The following ATP13A3 variants were observed in gnomAD, a reference collection of about 807,000 sequenced individuals.
ATP13A3 encodes polyamine-transporting ATPase 13A3.
ATP13A3 carries 59 observed loss-of-function variants against 158.1 expected under a neutral mutation model. The ratio of observed to expected loss-of-function variants is 0.37; its 90% CI spans 0.30 to 0.46. The LOEUF (loss-of-function observed/expected upper bound fraction) is 0.46. ATP13A3 is among the 20% of genes least tolerant of loss of function. ATP13A3 has a pLI of 1.00. For missense variants in ATP13A3, 1,166 were observed against 1,525.2 expected, an observed-to-expected ratio of 0.76 and a Z score of 3.92; for synonymous variants, 491 against 504.3, an observed-to-expected ratio of 0.97 and a Z score of 0.35.
At chr3:194,486,175 C>A (rs1307956550) in intron 1 of ATP13A3, among the ~76,000 whole-genome samples, 2 of 152,152 alleles carry the variant, frequency 1.3e-5, no homozygotes, top group African/African-American at 4.8e-5. Context: ...CTGTGAAATG[C>A]GGAGATGGCA....
At chr3:194,429,194 C>T (rs540980562) in intron 27 of ATP13A3, among the ~76,000 whole-genome samples, 7 of 152,124 alleles carry the variant, frequency 4.6e-5, no homozygotes, top group Non-Finnish European at 8.8e-5. Context: ...TTTGGGAGGC[C>T]GAGGCGGGCA....
At chr3:194,429,923 T>C (rs1034523842) in intron 26 of ATP13A3, 149 bp from the exon 27 acceptor site, 10 of 950,288 alleles carry the variant, frequency 1.1e-5, no homozygotes, top group African/African-American at 1.7e-5. Context: ...AAATGAGGAG[T>C]AGCAATCAAT....
chr3:194,430,060 A>T lies in ATP13A3; in HGVS notation c.2777+12T>A, dbSNP rs1577046543. 1 of 1,595,698 alleles carries T rather than the reference A, an allele frequency of 6.3e-7. No homozygotes were observed. The highest frequency in any genetic ancestry group is 1.7e-4 in the Middle Eastern group (1 of 5,976). On this transcript the variant is annotated intron_variant, in intron 26 of 33. Transcript: ENST00000645319. ...GAGAAAAAGGGATGAGAAAAATTTT[A>T]ATTTGTACTACCTGATAAGGTTTGG...
intron 21 of ATP13A3, among the ~76,000 whole-genome samples, chr3:194,432,847 A>C (rs1206312933): frequency 6.6e-6 from 1 of 152,164 alleles, no homozygotes; most frequent in African/African-American, 2.4e-5. Flanking sequence ...GAGCTACCAC[A>C]ATTTCACACA....
In ATP13A3 at chr3:194,464,199, G is replaced by A. The variant is rs554055648; in HGVS notation, c.-46-1963C>T. ...GTCTGTCTGTACAGTTACTTACGTC[G>A]TTTTAATAATTTCACTCCTAACTAC... On this transcript the variant is annotated intron_variant, in intron 2 of 33. Coordinates refer to ENST00000645319, the MANE Select transcript of ATP13A3 (RefSeq NM_001367549.1). Among the ~76,000 whole-genome samples the A allele has an allele frequency of 7.3e-4, 111 of 152,246 alleles. 1 individual carries two copies. Among genetic ancestry groups the A allele is most frequent in the African/African-American group, 2.5e-3 (105 of 41,542 alleles).
chr3:194,413,602 G>A (rs565386826), intron 32 of ATP13A3, among the ~76,000 whole-genome samples, 157 bp downstream of exon 32: 17 of 152,278 alleles, frequency 1.1e-4, no homozygotes, highest in Middle Eastern at 6.8e-3. Context: ...TCAATTCATG[G>A]AAAAGTTCAC....
chr3:194,463,671 C>A (rs1479319610), intron 2 of ATP13A3, among the ~76,000 whole-genome samples: 1 of 152,192 alleles, frequency 6.6e-6, no homozygotes, highest in East Asian at 1.9e-4. Context: ...GCAGGCTTGA[C>A]ACACGCTAGG....
At chr3:194,467,273 A>G (rs1453529440) in intron 2 of ATP13A3, among the ~76,000 whole-genome samples, 1 of 152,224 alleles carries the variant, frequency 6.6e-6, no homozygotes, top group African/African-American at 2.4e-5. Flanking sequence ...ACCTTAGTTC[A>G]GCATAATAAT....
chr3:194,465,826 AC>A, intron 2 of ATP13A3, among the ~76,000 whole-genome samples: 1 of 151,274 alleles, frequency 6.6e-6, no homozygotes, highest in African/African-American at 2.5e-5. Context: ...ACACACACAC[AC>A]AAAAATTAGC....
chr3:194,468,941 G>A (rs543762586), intron 2 of ATP13A3, among the ~76,000 whole-genome samples: 5 of 151,956 alleles, frequency 3.3e-5, no homozygotes, highest in Admixed American at 6.6e-5. Flanking sequence ...TGAGACCAGC[G>A]TGGTCAGCAT....
Position 194,430,077 on chromosome 3 carries a change from A to G in ATP13A3, c.2772T>C (p.Leu924=). The part of the protein sequence containing the change: ...KTPSISCVPN[L]IREGRAALIT... ...AAAATTTTAATTTGTACTACCTGAT[A>G]AGGTTTGGCACACAGGAAATACTAG... is the stretch of plus-strand genomic sequence containing the variant. Residue 924 remains leucine, a synonymous_variant, in exon 26 of 34, where the codon CTT becomes CTC. Coordinates refer to ENST00000645319, the MANE Select transcript of ATP13A3 (RefSeq NM_001367549.1). 1.2e-6 allele frequency: 2 copies of G among 1,612,614 alleles called. No homozygotes were observed. Among genetic ancestry groups the G allele is most frequent in the South Asian group, 1.1e-5 (1 of 90,788 alleles).
intron 6 of ATP13A3, among the ~76,000 whole-genome samples, 174 bp from the exon 7 acceptor site, chr3:194,457,348 G>A (rs1311514515): frequency 3.3e-5 from 5 of 152,060 alleles, no homozygotes; most frequent in African/African-American, 1.2e-4. Context: ...AAATTCTTAA[G>A]ATAAACAATG....
At chr3:194,484,233 A>C (rs1720875727) in intron 2 of ATP13A3, among the ~76,000 whole-genome samples, 3 of 152,038 alleles carry the variant, frequency 2.0e-5, no homozygotes, top group Non-Finnish European at 4.4e-5. Flanking sequence ...TAAGCTCCTT[A>C]ACTTCTTTAA....
intron 33 of ATP13A3, among the ~76,000 whole-genome samples, chr3:194,409,698 T>TTTTC (rs1715212662): frequency 7.8e-6 from 1 of 128,356 alleles, no homozygotes; most frequent in African/African-American, 3.7e-5. Flanking sequence ...AAAGAATTTT[T>TTTTC]TTTTTTTTTT....
intron 30 of ATP13A3, among the ~76,000 whole-genome samples, chr3:194,422,644 C>T (rs902339334): frequency 6.6e-6 from 1 of 151,980 alleles, no homozygotes; most frequent in African/African-American, 2.4e-5. Flanking sequence ...ATATGATGTG[C>T]TGTTCATGAT....
At position 194,494,080 on chromosome 3, in the gene ATP13A3, C is replaced by T. The variant is rs758275104; in HGVS notation, n.716G>A. On this transcript the variant is annotated non_coding_transcript_exon_variant, in exon 2 of 33. Transcript: ENST00000687055. This position sits in a 1 kb window ranked among gnomAD's most constrained non-coding sequence, Gnocchi z 4.2. ...AGCACAGCCAGGATTCAAACCCAGA[C>T]ACTTTGCTCCAGGGCCAAACTCTTG... is the stretch of plus-strand genomic sequence containing the variant. The T allele has an allele frequency of 2.5e-6, 1 of 398,400 alleles. No homozygotes were observed. The highest frequency in any genetic ancestry group is 4.4e-5 in the Admixed American group (1 of 22,730). The allele number at this position is 398,400 out of a possible 1,614,324, so 24.7% of individuals were successfully genotyped here. A position where few individuals can be genotyped will look rare whatever the true frequency, so the allele number is the denominator to read the frequency against.
intron 33 of ATP13A3, 132 bp from the exon 34 acceptor site, chr3:194,406,248 G>A (rs1714920931): frequency 1.0e-6 from 1 of 963,288 alleles, no homozygotes; most frequent in Non-Finnish European, 1.5e-6. Context: ...AACGAATGGG[G>A]GAAAAAAAAA....
rs71179358 is a variant in ATP13A3 at position 194,409,693 on chromosome 3, A to ATTTTTTTTTTTTTTTTTTTTTT, written c.3573+2484_3573+2505dup. 3.4e-4 allele frequency among the ~76,000 whole-genome samples: 32 copies of ATTTTTTTTTTTTTTTTTTTTTT among 93,990 alleles called. 5 individuals carry two copies. Among genetic ancestry groups the ATTTTTTTTTTTTTTTTTTTTTT allele is most frequent in the African/African-American group, 9.3e-4 (19 of 20,348 alleles). The allele number at this position is 93,990 out of a possible 152,430, so 61.7% of individuals were successfully genotyped here. ...TGCTTGATAATCACTGACGTAAAGA[A>ATTTTTTTTTTTTTTTTTTTTTT]TTTTTTTTTTTTTTTTTTTTTTTTT... On this transcript the variant is annotated intron_variant, in intron 33 of 33. Coordinates refer to ENST00000645319, the MANE Select transcript of ATP13A3 (RefSeq NM_001367549.1).
Position 194,448,537 on chromosome 3 carries a change from T to C in ATP13A3, c.1070A>G (p.His357Arg). 1 of 1,614,120 alleles carries C rather than the reference T, an allele frequency of 6.2e-7. No individual in the cohort carries two copies. The highest frequency in any genetic ancestry group is 8.5e-7 in the Non-Finnish European group (1 of 1,179,962). The part of the protein sequence containing the change: ...ELYNPETHKR[H>R]TLFCGTTVIQ... ...AACAGTTGTCCCACAAAACAAAGTA[T>C]GTCGTTTATGTGTTTCTGGATTATA... The change falls in exon 12 of 34, where the codon CAT becomes CGT. Residue 357 changes from histidine to arginine, a missense_variant. Physicochemically the swap from His to Arg is conservative, Grantham distance 29. Around this residue, in one of 3 missense-constraint regions of ATP13A3, gnomAD observed 997 missense variants for 1,341.2 expected, o/e 0.74. Coordinates refer to ENST00000645319, the MANE Select transcript of ATP13A3 (RefSeq NM_001367549.1). This position sits in a 1 kb window ranked among gnomAD's most constrained non-coding sequence, Gnocchi z 4.0.
Sources: allele counts gnomAD v4.1 joint callset (sites outside exome capture counted in the v4.1 genomes callset), GRCh38; gene constraint gnomAD v4.1.1; regional missense constraint gnomAD v4.1.1; non-coding constraint Gnocchi (gnomAD v3.1); transcripts MANE v1.5; gene names NCBI Gene and HGNC (gene_info 2026-07-23, HGNC 2026-07-21).